CSMD3: variants seen among roughly 807,000 people sequenced by gnomAD.
The protein encoded by CSMD3 is CUB and Sushi multiple domains 3.
In CSMD3, 177 loss-of-function variants were observed where a neutral mutation model predicts 435.2. That is an observed-to-expected ratio of 0.41 (90% CI 0.36 to 0.46). The LOEUF is 0.46. Ranked by LOEUF, CSMD3 falls within the 20% of genes least tolerant of loss-of-function variation. The probability of loss-of-function intolerance (pLI) is 0.34; values close to 1 mark genes in which losing one functional copy is unlikely to be tolerated. For missense variants in CSMD3, 4,265 were observed against 4,504.6 expected, an observed-to-expected ratio of 0.95 and a Z score of 1.52; for synonymous variants, 1,656 against 1,520.5, an observed-to-expected ratio of 1.09 and a Z score of -2.07.
intron 5 of CSMD3, among the ~76,000 whole-genome samples, chr8:113,025,677 G>A (rs929673010): frequency 2.0e-5 from 3 of 152,138 alleles, no homozygotes; most frequent in African/African-American, 7.2e-5. Context: ...TGGCAGGGGA[G>A]TGGAGCCACC....
intron 24 of CSMD3, among the ~76,000 whole-genome samples, chr8:112,562,367 C>T (rs1828703047): frequency 6.6e-6 from 1 of 151,318 alleles, no homozygotes; most frequent in South Asian, 2.1e-4. Context: ...TAAAAAGACT[C>T]TTACTTGCTT....
At position 112,352,494 on chromosome 8, in the gene CSMD3, G is replaced by T; in HGVS notation, c.6177C>A (p.Ser2059Arg). ...ATCTGTCTCCAATTTTAATTCCACT[G>T]CTAGGAGTTTGTGGTTCAGGACAGG... is the stretch of plus-strand genomic sequence containing the variant. Reference protein sequence around the residue: ...LDSCPEPQTPSSGIKIGDRYM... With the variant: ...LDSCPEPQTPRSGIKIGDRYM... The change falls in exon 39 of 71, where the codon AGC becomes AGA. Residue 2059 changes from serine (S) to arginine (R), a missense_variant. By Grantham distance (110) the Ser-to-Arg change is moderately radical. Around this residue, in one of 3 missense-constraint regions of CSMD3, gnomAD observed 3,255 missense variants for 3,380.2 expected, o/e 0.96. Transcript: ENST00000297405. 1 of 1,613,578 alleles carries T rather than the reference G, an allele frequency of 6.2e-7. No individual in the cohort carries two copies.
intron 10 of CSMD3, among the ~76,000 whole-genome samples, chr8:112,890,485 G>A (rs1009165035): frequency 1.3e-5 from 2 of 151,568 alleles, no homozygotes; most frequent in Admixed American, 1.3e-4. Flanking sequence ...TACATTGTAG[G>A]AAAAATATGT....
At chr8:113,189,633 G>A (rs1396875454) in intron 3 of CSMD3, among the ~76,000 whole-genome samples, 1 of 151,810 alleles carries the variant, frequency 6.6e-6, no homozygotes, top group Non-Finnish European at 1.5e-5. Context: ...TGCATGCAAA[G>A]TCTATAATGG....
At chr8:112,910,646 T>A (rs566907764) in intron 10 of CSMD3, among the ~76,000 whole-genome samples, 41 of 151,406 alleles carry the variant, frequency 2.7e-4, no homozygotes, top group Non-Finnish European at 4.9e-4. Flanking sequence ...TCTCAAGCAT[T>A]GTATCTTTGT....
At chr8:112,872,676 T>A (rs1473574677) in intron 10 of CSMD3, among the ~76,000 whole-genome samples, 2 of 151,880 alleles carry the variant, frequency 1.3e-5, no homozygotes, top group African/African-American at 4.8e-5. Context: ...CCATTAGTAT[T>A]AAGGATGAAA....
intron 13 of CSMD3, among the ~76,000 whole-genome samples, chr8:112,799,191 C>T (rs1427979539): frequency 6.6e-6 from 1 of 151,736 alleles, no homozygotes; most frequent in East Asian, 1.9e-4. Context: ...CAAATTAATA[C>T]AGTACCAAAT....
At chr8:112,272,115 C>T (rs1360372975) in intron 59 of CSMD3, among the ~76,000 whole-genome samples, 1 of 152,208 alleles carries the variant, frequency 6.6e-6, no homozygotes, top group African/African-American at 2.4e-5. Flanking sequence ...CCTCACCAGA[C>T]ACAGGATCTG....
intron 45 of CSMD3, among the ~76,000 whole-genome samples, chr8:112,324,976 A>C (rs1466134206): frequency 6.6e-6 from 1 of 152,132 alleles, no homozygotes; most frequent in Admixed American, 6.6e-5. Context: ...AGTCTTGATT[A>C]TGACCTCCAA....
chr8:112,502,542 TA>T (rs1822078583), intron 30 of CSMD3, among the ~76,000 whole-genome samples: 1 of 152,342 alleles, frequency 6.6e-6, no homozygotes, highest in East Asian at 1.9e-4. Flanking sequence ...TTCATTTCCC[TA>T]AAAACATCTT....
chr8:112,680,080 C>T (rs755491650), intron 16 of CSMD3, among the ~76,000 whole-genome samples: 3 of 152,138 alleles, frequency 2.0e-5, no homozygotes, highest in Admixed American at 6.5e-5. Context: ...GGCCGTAGGG[C>T]GTGGTGGCTC....
chr8:112,994,188 A>G (rs1587845907), intron 6 of CSMD3, among the ~76,000 whole-genome samples: 1 of 151,826 alleles, frequency 6.6e-6, no homozygotes, highest in South Asian at 2.1e-4. Flanking sequence ...TCTTCTAAAT[A>G]TCAGTTAAAG....
chr8:113,030,058 A>C (rs2131231479), intron 5 of CSMD3, among the ~76,000 whole-genome samples: 1 of 151,592 alleles, frequency 6.6e-6, no homozygotes, highest in South Asian at 2.1e-4. Context: ...ATACTTAGGA[A>C]TACACCAAAC....
intron 25 of CSMD3, 78 bp from the exon 26 acceptor site, chr8:112,552,798 A>C (rs574581852): frequency 7.7e-6 from 10 of 1,293,076 alleles, no homozygotes; most frequent in Non-Finnish European, 8.8e-6. Flanking sequence ...TCTCATGAGT[A>C]GACAAAAGAA....
intron 17 of CSMD3, among the ~76,000 whole-genome samples, chr8:112,657,528 G>T (rs7011082): frequency 0.54 from 82,079 of 151,812 alleles, 23,563 homozygotes; most frequent in African/African-American, 0.75. Context: ...TTTTATAAAC[G>T]TCAATCGACA....
rs375779490 is a variant in CSMD3 at position 113,339,522 on chromosome 8, T to G, written c.179-24729A>C. On this transcript the variant is annotated intron_variant, in intron 1 of 70. Transcript: ENST00000297405. ...AGAACATCATACAAACGTTTACTGCTAAAGTGTCTACCTCTCTTAGGAGAA... is the reference window on the plus strand; with the variant it reads ...AGAACATCATACAAACGTTTACTGCGAAAGTGTCTACCTCTCTTAGGAGAA... Among the ~76,000 whole-genome samples, 14 of 152,156 alleles carry G rather than the reference T, an allele frequency of 9.2e-5. No individual in the cohort carries two copies. In the East Asian group the frequency reaches 1.5e-3, roughly 17 times the overall value.
intron 6 of CSMD3, among the ~76,000 whole-genome samples, chr8:112,996,562 A>G (rs1441557459): frequency 6.6e-6 from 1 of 151,606 alleles, no homozygotes; most frequent in East Asian, 1.9e-4. Context: ...AAGTGCACTC[A>G]CTGAGAATAG....
intron 12 of CSMD3, among the ~76,000 whole-genome samples, chr8:112,813,238 T>C (rs1238449120): frequency 6.6e-6 from 1 of 152,132 alleles, no homozygotes; most frequent in South Asian, 2.1e-4. Flanking sequence ...CCCAAACGAA[T>C]GGGTAGCCAG....
At chr8:113,203,910 TA>T (rs1262358285) in intron 3 of CSMD3, among the ~76,000 whole-genome samples, 1 of 152,100 alleles carries the variant, frequency 6.6e-6, no homozygotes, top group Admixed American at 6.6e-5. Context: ...TATTTTTAGT[TA>T]AATCAATGAT....
Sources: gnomAD v4.1 joint callset for allele counts (sites outside exome capture counted in the v4.1 genomes callset) on GRCh38, gnomAD v4.1.1 for gene constraint, gnomAD v4.1.1 regional missense constraint, MANE v1.5 for transcripts, NCBI Gene and HGNC (gene_info 2026-07-23, HGNC 2026-07-21) for gene names.